The following STAG1 variants were observed in gnomAD, a reference collection of about 807,000 sequenced individuals.
The protein encoded by STAG1 is cohesin subunit SA-1.
STAG1 carries 26 observed loss-of-function variants against 170.9 expected under a neutral mutation model. The ratio of observed to expected loss-of-function variants is 0.15; its 90% CI spans 0.11 to 0.21. STAG1 has a LOEUF of 0.21. Ranked by LOEUF, STAG1 falls within the 10% of genes least tolerant of loss-of-function variation. The probability of loss-of-function intolerance (pLI) is 1.00; values close to 1 mark genes in which losing one functional copy is unlikely to be tolerated. For synonymous variants in STAG1, 514 were observed against 497.7 expected, an observed-to-expected ratio of 1.03 and a Z score of -0.44; for missense variants, 964 against 1,509.5, an observed-to-expected ratio of 0.64 and a Z score of 5.99.
At chr3:136,419,350 CAA>C (rs1170904298) in intron 20 of STAG1, among the ~76,000 whole-genome samples, 1 of 152,128 alleles carries the variant, frequency 6.6e-6, no homozygotes, top group Non-Finnish European at 1.5e-5. Context: ...CTTTGGACAA[CAA>C]AGTTCTTTTT....
chr3:136,672,393 C>G (rs1942004617), intron 1 of STAG1, among the ~76,000 whole-genome samples: 1 of 152,152 alleles, frequency 6.6e-6, no homozygotes, highest in Admixed American at 6.6e-5. Flanking sequence ...ACTTCTACAA[C>G]CCTTGACCCC....
At position 136,372,518 on chromosome 3, in the gene STAG1, G is replaced by A. The variant is rs1013083097; in HGVS notation, c.2371-3236C>T. ...GATAGCTCTTATTATTTTGAGACAC[G>A]TCCCATCAATACCTAATTTATTGAG... On this transcript the variant is annotated intron_variant, in intron 23 of 33. Coordinates refer to ENST00000383202, the MANE Select transcript of STAG1 (RefSeq NM_005862.3). 3.0e-4 allele frequency among the ~76,000 whole-genome samples: 45 copies of A among 152,206 alleles called. 1 individual carries two copies. The highest frequency in any genetic ancestry group is 1.0e-3 in the African/African-American group (42 of 41,536).
intron 1 of STAG1, among the ~76,000 whole-genome samples, chr3:136,698,691 T>G (rs1177179737): frequency 1.3e-5 from 2 of 152,200 alleles, no homozygotes; most frequent in Admixed American, 6.5e-5. Context: ...TGATTCCGTT[T>G]GTATGGGTAT....
chr3:136,613,621 G>C (rs1308619531), intron 3 of STAG1, among the ~76,000 whole-genome samples: 1 of 152,058 alleles, frequency 6.6e-6, no homozygotes, highest in East Asian at 1.9e-4. Flanking sequence ...CAAGGAGATG[G>C]GATTACAGGT....
intron 6 of STAG1, among the ~76,000 whole-genome samples, chr3:136,530,781 T>G (rs1372453154): frequency 6.6e-6 from 1 of 152,024 alleles, no homozygotes; most frequent in African/African-American, 2.4e-5. Flanking sequence ...GGATGAAAGT[T>G]TATAGAAATA....
chr3:136,618,112 T>G (rs142922155), intron 3 of STAG1, among the ~76,000 whole-genome samples: 1 of 152,312 alleles, frequency 6.6e-6, no homozygotes, highest in Non-Finnish European at 1.5e-5. Context: ...CTTAACTTCC[T>G]CATAAAGCAA....
At chr3:136,491,368 A>C (rs1056523444) in intron 9 of STAG1, among the ~76,000 whole-genome samples, 3 of 152,160 alleles carry the variant, frequency 2.0e-5, no homozygotes, top group Admixed American at 1.3e-4. Context: ...GTCCGTCCAT[A>C]TCTTTTTATC....
intron 1 of STAG1, chr3:136,721,406 C>T (rs758459569): frequency 6.6e-5 from 10 of 152,086 alleles, no homozygotes; most frequent in African/African-American, 9.7e-5. Flanking sequence ...ATATCTAATA[C>T]TCTTTTTACA....
At chr3:136,608,016 G>T (rs1033892242) in intron 3 of STAG1, among the ~76,000 whole-genome samples, 11 of 152,118 alleles carry the variant, frequency 7.2e-5, no homozygotes, top group African/African-American at 2.4e-4. Flanking sequence ...CAGCACCTTG[G>T]GAGGCCAAGG....
chr3:136,694,841 G>A (rs111921424), intron 1 of STAG1, among the ~76,000 whole-genome samples: 7 of 152,266 alleles, frequency 4.6e-5, no homozygotes, highest in African/African-American at 1.4e-4. Flanking sequence ...GGAAGCAGAG[G>A]GAGGAAGAAT....
chr3:136,747,563 C>T (rs988423189), intron 1 of STAG1, among the ~76,000 whole-genome samples: 1 of 152,014 alleles, frequency 6.6e-6, no homozygotes, highest in East Asian at 1.9e-4. Flanking sequence ...GTGGCATGCA[C>T]CTGTAGTCCC....
At chr3:136,387,181 T>C (rs2086894156) in intron 22 of STAG1, among the ~76,000 whole-genome samples, 1 of 152,212 alleles carries the variant, frequency 6.6e-6, no homozygotes. Flanking sequence ...GTAAATATTT[T>C]AGGCTTTGCA....
intron 7 of STAG1, among the ~76,000 whole-genome samples, chr3:136,518,987 G>A (rs1360417287): frequency 1.3e-5 from 2 of 151,934 alleles, no homozygotes. Context: ...TTAGCAGATG[G>A]AGATAACCAA....
At chr3:136,396,182 G>A (rs529480965) in intron 22 of STAG1, among the ~76,000 whole-genome samples, 2 of 150,068 alleles carry the variant, frequency 1.3e-5, no homozygotes, top group African/African-American at 2.4e-5. Context: ...GATTACAGGC[G>A]TGAGCCGCCA....
At chr3:136,743,193 C>A (rs1305761031) in intron 1 of STAG1, among the ~76,000 whole-genome samples, 2 of 151,950 alleles carry the variant, frequency 1.3e-5, no homozygotes, top group Non-Finnish European at 2.9e-5. Context: ...ATAGTGAAAC[C>A]CTGTCTCTAC....
At position 136,341,207 on chromosome 3, in the gene STAG1, C is replaced by G. The variant is rs143329834; in HGVS notation, c.3557+234G>C. On this transcript the variant is annotated intron_variant, in intron 31 of 33. Coordinates refer to ENST00000383202, the MANE Select transcript of STAG1 (RefSeq NM_005862.3). ...TTACAGGCGGAGCCACCGCGCCTAG[C>G]CAGCACAGATGTTTTAGAGCTTGTC... Among the ~76,000 whole-genome samples, 262 of 152,326 alleles carry G rather than the reference C, an allele frequency of 1.7e-3. 1 individual carries two copies. Among genetic ancestry groups the G allele is most frequent in the African/African-American group, 5.9e-3 (247 of 41,574 alleles).
Position 136,645,132 on chromosome 3 carries a change from T to C in STAG1, c.-83-14151A>G, listed in dbSNP as rs559556202. The stretch of plus-strand genomic sequence containing the variant: ...TTCTGTATGTAGTTATCTGGGACAA[T>C]TGATATTTTGCTTTTTAAGTCCCAA... On this transcript the variant is annotated intron_variant, in intron 1 of 33. Coordinates refer to ENST00000383202, the MANE Select transcript of STAG1 (RefSeq NM_005862.3). Among the ~76,000 whole-genome samples the C allele has an allele frequency of 3.2e-4, 48 of 152,300 alleles. 1 individual carries two copies. The highest frequency in any genetic ancestry group is 5.8e-4 in the East Asian group (3 of 5,192).
intron 8 of STAG1, among the ~76,000 whole-genome samples, chr3:136,502,368 A>G (rs562358245): frequency 3.0e-4 from 46 of 152,022 alleles, no homozygotes; most frequent in Non-Finnish European, 5.4e-4. Flanking sequence ...TTGAGCCTAT[A>G]GCCTTATAAC....
At chr3:136,688,620 GACA>G (rs1942619271) in intron 1 of STAG1, among the ~76,000 whole-genome samples, 1 of 152,136 alleles carries the variant, frequency 6.6e-6, no homozygotes, top group African/African-American at 2.4e-5. Context: ...TCAAACTCCT[GACA>G]TCAAGTGATT....
Sources: gnomAD v4.1 joint callset for allele counts (sites outside exome capture counted in the v4.1 genomes callset) on GRCh38, gnomAD v4.1.1 for gene constraint, MANE v1.5 for transcripts, NCBI Gene and HGNC (gene_info 2026-07-23, HGNC 2026-07-21) for gene names.